The following USP33 variants were observed in gnomAD, a reference collection of about 807,000 sequenced individuals.
The protein encoded by USP33 is ubiquitin carboxyl-terminal hydrolase 33.
USP33 carries 46 observed loss-of-function variants against 124.2 expected under a neutral mutation model. The observed-to-expected ratio is 0.37, with a 90% CI of 0.29 to 0.47. The LOEUF (loss-of-function observed/expected upper bound fraction) is 0.47. Ranked by LOEUF, USP33 falls within the 20% of genes least tolerant of loss-of-function variation. The pLI is 0.99. For missense variants in USP33, 851 were observed against 1,070.6 expected, an observed-to-expected ratio of 0.79 and a Z score of 2.86; for synonymous variants, 350 against 352.3, an observed-to-expected ratio of 0.99 and a Z score of 0.07.
Position 77,697,134 on chromosome 1 carries a change from C to T in USP33, c.*183G>A. 3.8e-6 allele frequency: 2 copies of T among 524,028 alleles called. No individual in the cohort carries two copies. 32.5% of individuals were successfully genotyped at this position (524,028 alleles called of 1,614,324 possible). A position where few individuals can be genotyped will look rare whatever the true frequency, so the allele number is the denominator to read the frequency against. On this transcript the variant is annotated 3_prime_UTR_variant, in exon 24 of 24. Transcript: ENST00000370794. ...TGGTAAGTATTTAAAACTAAATATACCAACCTGTGGTATATTACACATTTT... is the reference window on the plus strand; with the variant it reads ...TGGTAAGTATTTAAAACTAAATATATCAACCTGTGGTATATTACACATTTT...
intron 21 of USP33, among the ~76,000 whole-genome samples, chr1:77,702,974 A>G (rs1674214945): frequency 6.6e-6 from 1 of 152,102 alleles, no homozygotes; most frequent in Non-Finnish European, 1.5e-5. Flanking sequence ...TGGGCAATTC[A>G]ATCCATGGAA....
At chr1:77,705,563 A>G (rs1054863190) in intron 21 of USP33, among the ~76,000 whole-genome samples, 1 of 152,048 alleles carries the variant, frequency 6.6e-6, no homozygotes, top group African/African-American at 2.4e-5. Flanking sequence ...TCATGGTCAT[A>G]GCTCACCGTA....
At chr1:77,711,213 T>G (rs1248659984) in intron 21 of USP33, among the ~76,000 whole-genome samples, 2 of 151,268 alleles carry the variant, frequency 1.3e-5, no homozygotes, top group African/African-American at 4.9e-5. Context: ...AAAAAAAGTA[T>G]TGTCAATCCA....
At chr1:77,715,291 C>T (rs1280924251) in intron 18 of USP33, among the ~76,000 whole-genome samples, 1 of 152,088 alleles carries the variant, frequency 6.6e-6, no homozygotes, top group Non-Finnish European at 1.5e-5. Flanking sequence ...ACTGCAACCC[C>T]CACCCGCCGG....
At chr1:77,717,817 T>C in intron 17 of USP33, 50 bp downstream of exon 17, 1 of 1,473,254 alleles carries the variant, frequency 6.8e-7, no homozygotes, top group South Asian at 1.6e-5. Flanking sequence ...CCCAGGCTTA[T>C]TTTAATTTTT....
chr1:77,730,469 T>C lies in USP33; in HGVS notation c.638+149A>G, dbSNP rs535100455. On this transcript the variant is annotated intron_variant, in intron 8 of 23. Coordinates refer to ENST00000370794, the MANE Select transcript of USP33 (RefSeq NM_201624.3). ...ACTTCTATGACACCTTACATTCAGC[T>C]TCAAATGTAACATGCCTGAAACAAA... 47 of 499,618 alleles carry C rather than the reference T, an allele frequency of 9.4e-5. 2 individuals are homozygous for C. The South Asian group carries it at 1.5e-3, about 15-fold the overall frequency. The allele number at this position is 499,618 out of a possible 1,614,324, so 30.9% of individuals were successfully genotyped here.
At position 77,752,836 on chromosome 1, in the gene USP33, G is replaced by GCGAGGC. The variant is rs1680458743; in HGVS notation, c.-52+6801_-52+6806dup. ...CTCACACCTGTAATCCCAGCACTTTGCGAGGCCGAGGCCGGTGGATCACCT... is the reference window on the plus strand; with the variant it reads ...CTCACACCTGTAATCCCAGCACTTTGCGAGGCCGAGGCCGAGGCCGGTGGATCACCT... On this transcript the variant is annotated intron_variant, in intron 1 of 23. Coordinates refer to ENST00000370794, the MANE Select transcript of USP33 (RefSeq NM_201624.3). 2.0e-5 allele frequency among the ~76,000 whole-genome samples: 3 copies of GCGAGGC among 152,148 alleles called. No individual in the cohort carries two copies. In the South Asian group the frequency reaches 6.2e-4, roughly 32 times the overall value.
intron 1 of USP33, among the ~76,000 whole-genome samples, chr1:77,742,910 C>CTTT (rs1679290177): frequency 6.8e-6 from 1 of 148,036 alleles, no homozygotes; most frequent in African/African-American, 2.5e-5. Flanking sequence ...GTCTGTCTGC[C>CTTT]TTTTATTATT....
At chr1:77,726,208 C>T (rs1224674703) in intron 10 of USP33, among the ~76,000 whole-genome samples, 1 of 152,128 alleles carries the variant, frequency 6.6e-6, no homozygotes, top group Non-Finnish European at 1.5e-5. Flanking sequence ...CTTTGGCCTC[C>T]CAAAGTGTTG....
At chr1:77,740,977 T>G in intron 3 of USP33, 38 bp from the exon 4 acceptor site, 4 of 1,331,976 alleles carry the variant, frequency 3.0e-6, no homozygotes, top group Non-Finnish European at 4.1e-6. Flanking sequence ...TAAGGTACTT[T>G]ATAATATACA....
chr1:77,724,245 C>T (rs1419702921), intron 11 of USP33, among the ~76,000 whole-genome samples: 1 of 152,022 alleles, frequency 6.6e-6, no homozygotes, highest in African/African-American at 2.4e-5. Context: ...CCAGGTAAGG[C>T]TTTATTTGAA....
chr1:77,742,297 C>A (rs968142107), intron 1 of USP33, among the ~76,000 whole-genome samples: 3 of 152,154 alleles, frequency 2.0e-5, no homozygotes, highest in Non-Finnish European at 4.4e-5. Flanking sequence ...GCACTATTGA[C>A]ACTTAGGGCC....
In USP33 at chr1:77,759,775, C is replaced by T. The variant is rs1362084271; in HGVS notation, c.-184G>A. ...GCGTCAGGAGGGCCGGAAAACGGCC[C>T]CGCAGCGCTGCCCTCGGGGGGTCCG... On this transcript the variant is annotated 5_prime_UTR_variant, in exon 1 of 24. Coordinates refer to ENST00000370794, the MANE Select transcript of USP33 (RefSeq NM_201624.3). The T allele has an allele frequency of 5.0e-6, 2 of 397,840 alleles. No individual in the cohort carries two copies. Among genetic ancestry groups the T allele is most frequent in the Non-Finnish European group, 8.9e-6 (2 of 225,578 alleles). The allele number at this position is 397,840 out of a possible 1,614,324, so 24.6% of individuals were successfully genotyped here.
At chr1:77,707,211 T>C (rs573234490) in intron 21 of USP33, among the ~76,000 whole-genome samples, 1 of 152,316 alleles carries the variant, frequency 6.6e-6, no homozygotes, top group East Asian at 1.9e-4. Context: ...AGGTATTTAT[T>C]CTCTCAGTTT....
intron 1 of USP33, among the ~76,000 whole-genome samples, chr1:77,755,317 T>C (rs771172678): frequency 1.4e-4 from 22 of 152,250 alleles, no homozygotes; most frequent in Admixed American, 3.9e-4. Context: ...TTATCAATTC[T>C]TTTATTGTTT....
At chr1:77,730,185 T>C (rs1677646130) in intron 8 of USP33, among the ~76,000 whole-genome samples, 1 of 152,204 alleles carries the variant, frequency 6.6e-6, no homozygotes, top group Non-Finnish European at 1.5e-5. Context: ...TTTTCAAAAA[T>C]GCAAGTTTCC....
intron 1 of USP33, among the ~76,000 whole-genome samples, chr1:77,756,574 G>A (rs1184706126): frequency 6.6e-6 from 1 of 152,118 alleles, no homozygotes; most frequent in Non-Finnish European, 1.5e-5. Flanking sequence ...TTAGATAAAG[G>A]CAATCTTTAT....
At chr1:77,723,531 G>A (rs926185720) in intron 11 of USP33, 88 bp from the exon 12 acceptor site, 16 of 816,434 alleles carry the variant, frequency 2.0e-5, no homozygotes, top group Non-Finnish European at 2.9e-5. Context: ...AATCTTACTT[G>A]TATATGATCT....
intron 21 of USP33, among the ~76,000 whole-genome samples, chr1:77,704,338 G>A (rs190400733): frequency 6.6e-6 from 1 of 152,166 alleles, no homozygotes; most frequent in Admixed American, 6.5e-5. Context: ...AGAGAACTGA[G>A]AGTTCTAAAA....
Sources: allele counts gnomAD v4.1 joint callset (sites outside exome capture counted in the v4.1 genomes callset), GRCh38; gene constraint gnomAD v4.1.1; transcripts MANE v1.5; gene names NCBI Gene and HGNC (gene_info 2026-07-23, HGNC 2026-07-21).